The following SYNE2 variants were observed in gnomAD, a reference collection of about 807,000 sequenced individuals.
SYNE2 encodes the protein spectrin repeat containing nuclear envelope protein 2, also known as nesprin-2.
In SYNE2, 431 loss-of-function variants were observed where a neutral mutation model predicts 856.3. The observed-to-expected ratio is 0.50, with a 90% CI of 0.47 to 0.55. SYNE2 has a LOEUF of 0.55. Among genes scored for constraint, SYNE2 ranks in the 20% least tolerant of loss-of-function variants. The probability of loss-of-function intolerance (pLI) is 0.00; values close to 1 mark genes in which losing one functional copy is unlikely to be tolerated. For synonymous variants in SYNE2, 2,923 were observed against 2,872.3 expected (o/e 1.02, Z -0.56); for missense variants, 8,129 against 8,023.2 (o/e 1.01, Z -0.50).
chr14:64,132,114 A>G, intron 76 of SYNE2, 151 bp from the exon 77 acceptor site: 3 of 841,418 alleles, frequency 3.6e-6, no homozygotes, highest in Non-Finnish European at 5.5e-6. Context: ...TTGTATTGCC[A>G]TCTTGGCCAG....
chr14:64,125,687 T>G (rs2097937888), intron 71 of SYNE2, among the ~76,000 whole-genome samples: 1 of 152,094 alleles, frequency 6.6e-6, no homozygotes, highest in Non-Finnish European at 1.5e-5. Flanking sequence ...AGGGTAACTG[T>G]GGGTAAAGAA....
chr14:63,989,856 G>T (rs2096653896), intron 19 of SYNE2, among the ~76,000 whole-genome samples: 1 of 151,856 alleles, frequency 6.6e-6, no homozygotes, highest in South Asian at 2.1e-4. Flanking sequence ...CACCATGTTG[G>T]CCAGGGTGGT....
chr14:63,974,741 C>CAT (rs901601546), intron 11 of SYNE2, among the ~76,000 whole-genome samples: 10 of 144,444 alleles, frequency 6.9e-5, no homozygotes, highest in Non-Finnish European at 1.1e-4. Context: ...TATACATATA[C>CAT]ATATATATAT....
rs746769432 is a variant in SYNE2 at position 64,070,814 on chromosome 14, G to A, written c.10601G>A (p.Arg3534His). The change falls in exon 52 of 116, where the codon CGC becomes CAC. Residue 3534 changes from arginine to histidine, a missense_variant. Physicochemically the swap from Arg to His is conservative, Grantham distance 29. This residue lies in a region of SYNE2 where 5,410 missense variants were observed against 5,284.8 expected (regional missense o/e 1.02). Coordinates refer to ENST00000555002, the MANE Select transcript of SYNE2 (RefSeq NM_182914.3). ...QQLLLTLLLQ[R>H]IRSIQNVPES... ...CTGTTACTGACTCTACTTCTTCAGCGCATCAGAAGTATCCAGAATGTTCCT... is the reference window on the plus strand; with the variant it reads ...CTGTTACTGACTCTACTTCTTCAGCACATCAGAAGTATCCAGAATGTTCCT... 1.9e-5 allele frequency: 30 copies of A among 1,614,066 alleles called. No homozygotes were observed. The highest frequency in any genetic ancestry group is 3.3e-4 in the Middle Eastern group (2 of 6,084).
chr14:64,201,004 C>G (rs933974441), intron 99 of SYNE2, among the ~76,000 whole-genome samples: 10 of 152,226 alleles, frequency 6.6e-5, no homozygotes, highest in Non-Finnish European at 1.5e-4. Context: ...ATTGTAGCAT[C>G]ATGTGGTCCA....
At chr14:64,069,446 C>T (rs1295406295) in intron 51 of SYNE2, among the ~76,000 whole-genome samples, 1 of 152,128 alleles carries the variant, frequency 6.6e-6, no homozygotes, top group Non-Finnish European at 1.5e-5. Context: ...CATCTGCATC[C>T]GTGTATTCTA....
chr14:64,160,949 T>G (rs1356434815), intron 87 of SYNE2, among the ~76,000 whole-genome samples: 1 of 151,918 alleles, frequency 6.6e-6, no homozygotes, highest in African/African-American at 2.4e-5. Context: ...GCAATTAAAC[T>G]AAGGAAACAA....
rs555409541 is a variant in SYNE2, at chr14:63,811,454, T to G, written c.-304-41047T>G. Among the ~76,000 whole-genome samples the G allele has an allele frequency of 2.6e-5, 4 of 152,008 alleles. No individual in the cohort carries two copies. The East Asian group carries it at 7.7e-4, about 29-fold the overall frequency. ...TTGTACTTTTCTTTTGTAGAGATGG[T>G]GTTTTGCCACATTGCCCAGGCTGTT... is the stretch of plus-strand genomic sequence containing the variant. On this transcript the variant is annotated intron_variant, in intron 1 of 23. Transcript: ENST00000674003.
intron 51 of SYNE2, 84 bp from the exon 52 acceptor site, chr14:64,070,561 G>A (rs2097397750): frequency 8.6e-7 from 1 of 1,166,432 alleles, no homozygotes; most frequent in Non-Finnish European, 1.2e-6. Flanking sequence ...TGAAGAGAGA[G>A]CATACAAAAA....
At chr14:63,964,284 A>G (rs2096360891) in intron 10 of SYNE2, among the ~76,000 whole-genome samples, 1 of 152,156 alleles carries the variant, frequency 6.6e-6, no homozygotes, top group African/African-American at 2.4e-5. Context: ...TTTTTGGAGT[A>G]CTTTGAGCAG....
intron 1 of SYNE2, among the ~76,000 whole-genome samples, chr14:63,867,759 AAGCCAGCC>A (rs201110012): frequency 5.9e-5 from 9 of 151,674 alleles, no homozygotes; most frequent in African/African-American, 2.2e-4. Flanking sequence ...GAAAGAAAGC[AAGCCAGCC>A]AGCCAGCCAG....
chr14:64,053,254 C>A lies in SYNE2; in HGVS notation c.9341C>A (p.Ser3114Ter). ...KLNENKTFDD[S>*]FKEKEILQIK... ...AATGAAAATAAGACCTTTGATGACT[C>A]ATTCAAGGAGAAAGAAATACTACAA... The change falls in exon 48 of 116, where the codon TCA becomes TAA. Residue 3114 changes from serine (S) to a stop codon, truncating the protein, a stop_gained. Coordinates refer to ENST00000555002, the MANE Select transcript of SYNE2 (RefSeq NM_182914.3). LOFTEE classifies it high-confidence loss of function. 1 of 1,610,148 alleles carries A rather than the reference C, an allele frequency of 6.2e-7. No individual in the cohort carries two copies. Among genetic ancestry groups the A allele is most frequent in the Non-Finnish European group, 8.5e-7 (1 of 1,178,944 alleles).
At position 64,054,133 on chromosome 14, in the gene SYNE2, GT is replaced by G. The variant is rs1201373996; in HGVS notation, c.9744+479del. Among the ~76,000 whole-genome samples, 7 of 152,202 alleles carry G rather than the reference GT, an allele frequency of 4.6e-5. No homozygotes were observed. The East Asian group carries it at 1.3e-3, about 29-fold the overall frequency. On this transcript the variant is annotated intron_variant, in intron 48 of 115. Transcript: ENST00000555002. ...CATTTTCAAAAATTACAGTGAACTG[GT>G]TTGTAATCGTGACTCATACTGCATC...
intron 70 of SYNE2, among the ~76,000 whole-genome samples, chr14:64,123,957 C>G (rs970325263): frequency 6.6e-6 from 1 of 151,402 alleles, no homozygotes; most frequent in African/African-American, 2.4e-5. Flanking sequence ...ATAATCCCAG[C>G]ACTTCAGGAG....
rs1017864662 is a variant in SYNE2, at chr14:64,025,559, G to A, written c.6252+138G>A. 24 of 873,158 alleles carry A rather than the reference G, an allele frequency of 2.7e-5. No individual in the cohort carries two copies. The East Asian group carries it at 5.8e-4, about 21-fold the overall frequency. 54.1% of individuals were successfully genotyped at this position (873,158 alleles called of 1,614,324 possible). On this transcript the variant is annotated intron_variant, in intron 41 of 115. Transcript: ENST00000555002. Reference sequence around the variant, plus strand: ...TGGTTGAAGAAATTCAGATCACTGAGCTTACAAAAAAGAAGGGTTGTGACG... The same window carrying A: ...TGGTTGAAGAAATTCAGATCACTGAACTTACAAAAAAGAAGGGTTGTGACG...
In SYNE2 at chr14:64,202,633, G is replaced by C. The variant is rs78499438; in HGVS notation, c.18039-168G>C. ...AGCTTCACATATTCTCTGAGAACTCGTATCTGGTGACATGAGAGTTGTTCT... is the reference window on the plus strand; with the variant it reads ...AGCTTCACATATTCTCTGAGAACTCCTATCTGGTGACATGAGAGTTGTTCT... On this transcript the variant is annotated intron_variant, in intron 99 of 115. Coordinates refer to ENST00000555002, the MANE Select transcript of SYNE2 (RefSeq NM_182914.3). 8.3e-3 allele frequency among the ~76,000 whole-genome samples: 1,265 copies of C among 152,262 alleles called. 16 individuals carry two copies. Among genetic ancestry groups the C allele is most frequent in the African/African-American group, 0.028 (1,172 of 41,532 alleles).
At chr14:64,041,027 G>A (rs2097144610) in intron 45 of SYNE2, among the ~76,000 whole-genome samples, 1 of 152,064 alleles carries the variant, frequency 6.6e-6, no homozygotes, top group Non-Finnish European at 1.5e-5. Context: ...TTCTCAACAT[G>A]GAAAGTCAGA....
At chr14:64,098,306 A>G (rs971958581) in intron 62 of SYNE2, 160 bp downstream of exon 62, 2 of 793,154 alleles carry the variant, frequency 2.5e-6, no homozygotes, top group African/African-American at 1.7e-5. Flanking sequence ...ACTAGTGAAT[A>G]TAAATCCTCA....
intron 99 of SYNE2, among the ~76,000 whole-genome samples, chr14:64,195,660 TAA>T (rs1171988929): frequency 6.6e-6 from 1 of 152,252 alleles, no homozygotes; most frequent in Non-Finnish European, 1.5e-5. Context: ...AGTTGTGTGT[TAA>T]GATTGTTTTC....
Sources: gnomAD v4.1 joint callset for allele counts (sites outside exome capture counted in the v4.1 genomes callset) on GRCh38, gnomAD v4.1.1 for gene constraint, gnomAD v4.1.1 regional missense constraint, MANE v1.5 for transcripts, NCBI Gene and HGNC (gene_info 2026-07-23, HGNC 2026-07-21) for gene names.